Variants in ABL1 observed in about 807,000 individuals in gnomAD.
ABL1 encodes tyrosine-protein kinase ABL1.
Under a neutral mutation model 94.7 loss-of-function variants are expected in ABL1, and 11 were observed. The observed-to-expected ratio is 0.12, with a 90% CI of 0.07 to 0.19. The LOEUF is 0.19. Ranked by LOEUF, ABL1 falls within the 10% of genes least tolerant of loss-of-function variation. The probability of loss-of-function intolerance (pLI) is 1.00; values close to 1 mark genes in which losing one functional copy is unlikely to be tolerated. For missense variants in ABL1, 1,082 were observed against 1,489.4 expected (o/e 0.73, Z 4.50); for synonymous variants, 656 against 622.4 (o/e 1.05, Z -0.80).
intron 1 of ABL1, among the ~76,000 whole-genome samples, chr9:130,821,397 CT>C (rs1459771053): frequency 1.3e-5 from 2 of 152,000 alleles, no homozygotes; most frequent in Non-Finnish European, 2.9e-5. Flanking sequence ...AATATATGAC[CT>C]TTTGTGACTG....
At chr9:130,717,086 A>G (rs1831452625) in intron 1 of ABL1, among the ~76,000 whole-genome samples, 1 of 151,214 alleles carries the variant, frequency 6.6e-6, no homozygotes, top group African/African-American at 2.4e-5. Context: ...TGTGTTGTCT[A>G]GGCTGGAGTG....
intron 1 of ABL1, among the ~76,000 whole-genome samples, chr9:130,778,799 C>T (rs1228604768): frequency 6.6e-6 from 1 of 151,822 alleles, no homozygotes; most frequent in Non-Finnish European, 1.5e-5. Context: ...TGCATGTGCT[C>T]AGTCCACCAT....
chr9:130,756,270 C>T (rs887144306), intron 1 of ABL1, among the ~76,000 whole-genome samples: 3 of 151,828 alleles, frequency 2.0e-5, no homozygotes, highest in East Asian at 3.8e-4. Flanking sequence ...CTTTCTCATT[C>T]GGTTTTCCTG....
At chr9:130,841,673 G>A (rs575327557) in intron 1 of ABL1, among the ~76,000 whole-genome samples, 41 of 151,810 alleles carry the variant, frequency 2.7e-4, no homozygotes, top group Non-Finnish European at 4.1e-4. Flanking sequence ...TTAGCCAGGC[G>A]TAGTGGGGAG....
At chr9:130,745,145 T>C (rs1345662592) in intron 1 of ABL1, among the ~76,000 whole-genome samples, 1 of 148,586 alleles carries the variant, frequency 6.7e-6, no homozygotes, top group East Asian at 2.0e-4. Context: ...AGGGCAATGG[T>C]GTGATCTCGG....
At chr9:130,834,653 ACT>A (rs1367242669), upstream of ABL1, among the ~76,000 whole-genome samples, 3 of 151,964 alleles carry the variant, frequency 2.0e-5, no homozygotes, top group African/African-American at 7.3e-5. Context: ...AAGTCCTCTC[ACT>A]CTGAACTCAC....
upstream of ABL1, chr9:130,834,769 C>T: frequency 7.0e-6 from 3 of 430,096 alleles, no homozygotes; most frequent in South Asian, 3.3e-5. Context: ...GCTCTGACTT[C>T]CTCCCCAGAC....
At chr9:130,832,877 G>A (rs889857085), upstream of ABL1, among the ~76,000 whole-genome samples, 8 of 152,176 alleles carry the variant, frequency 5.3e-5, no homozygotes, top group Admixed American at 1.3e-4. Context: ...AGCTGGATAT[G>A]GAAAGTATAG....
upstream of ABL1, among the ~76,000 whole-genome samples, chr9:130,830,902 A>G (rs1019011669): frequency 6.6e-6 from 1 of 152,216 alleles, no homozygotes; most frequent in African/African-American, 2.4e-5. Flanking sequence ...TTTGTGACAC[A>G]TAACTCGTGA....
At position 130,755,306 on chromosome 9, in the gene ABL1, G is replaced by C. The variant is rs527841647; in HGVS notation, c.136+40851G>C. Among the ~76,000 whole-genome samples, 8 of 152,166 alleles carry C rather than the reference G, an allele frequency of 5.3e-5. No individual in the cohort carries two copies. The East Asian group carries it at 1.3e-3, about 26-fold the overall frequency. On this transcript the variant is annotated intron_variant, in intron 1 of 10. Transcript: ENST00000372348. ...GATGTGGGATTGGTCAGAGGGGAGA[G>C]AGGTAAAAATGATTCCATGACTGTG... is the stretch of plus-strand genomic sequence containing the variant.
chr9:130,736,972 G>T (rs1279238474), intron 1 of ABL1, among the ~76,000 whole-genome samples: 1 of 152,164 alleles, frequency 6.6e-6, no homozygotes, highest in Non-Finnish European at 1.5e-5. Context: ...ACAAGGAACT[G>T]CCCTATTCCA....
At chr9:130,780,127 C>T (rs548972729) in intron 1 of ABL1, among the ~76,000 whole-genome samples, 76 of 152,020 alleles carry the variant, frequency 5.0e-4, no homozygotes, top group African/African-American at 1.8e-3. Flanking sequence ...CTACTAAAAA[C>T]TACAAAAAAA....
At chr9:130,803,018 G>T (rs1484691570) in intron 1 of ABL1, among the ~76,000 whole-genome samples, 3 of 151,938 alleles carry the variant, frequency 2.0e-5, no homozygotes, top group African/African-American at 7.3e-5. Flanking sequence ...TCCCTTCTAG[G>T]ATTACTTCAG....
rs776100162 is a variant in ABL1, at chr9:130,886,784, C to T, written c.*1101C>T. On this transcript the variant is annotated 3_prime_UTR_variant, in exon 11 of 11. Coordinates refer to ENST00000318560, the MANE Select transcript of ABL1 (RefSeq NM_005157.6). ...TTTCAAAGCCCTGCCTCTGTGTAGC[C>T]GCCCTGAGAGAGAATAGAGCTGCCA... 31 of 233,370 alleles carry T rather than the reference C, an allele frequency of 1.3e-4. No individual in the cohort carries two copies. Among genetic ancestry groups the T allele is most frequent in the African/African-American group, 3.7e-4 (17 of 45,338 alleles). The allele number at this position is 233,370 out of a possible 1,614,324, so 14.5% of individuals were successfully genotyped here.
rs184397649 is a variant in ABL1 at position 130,733,664 on chromosome 9, C to T, written c.136+19209C>T. Among the ~76,000 whole-genome samples the T allele has an allele frequency of 4.0e-3, 593 of 149,666 alleles. 5 individuals carry two copies. Among genetic ancestry groups the T allele is most frequent in the African/African-American group, 0.014 (547 of 40,142 alleles). On this transcript the variant is annotated intron_variant, in intron 1 of 10. Coordinates refer to the ABL1 transcript ENST00000372348. ...CGTAATCTCGGCTCACTGTAAGCTC[C>T]GCCACCTGGGTTCACACCATTCTCC...
At position 130,885,032 on chromosome 9, in the gene ABL1, C is replaced by T; in HGVS notation, c.2742C>T (p.Pro914=). The T allele has an allele frequency of 6.2e-7, 1 of 1,611,186 alleles. No homozygotes were observed. The highest frequency in any genetic ancestry group is 8.5e-7 in the Non-Finnish European group (1 of 1,179,218). The part of the protein sequence containing the change: ...AASAGKAGGK[P]SQSPSQEAAG... Reference sequence around the variant, plus strand: ...CTGCAGGGAAGGCTGGAGGAAAGCCCTCGCAGAGCCCGAGCCAGGAGGCGG... The same window carrying T: ...CTGCAGGGAAGGCTGGAGGAAAGCCTTCGCAGAGCCCGAGCCAGGAGGCGG... The change falls in exon 11 of 11, where the codon CCC becomes CCT. Residue 914 remains proline (P), a synonymous_variant. Transcript: ENST00000318560.
chr9:130,719,074 GA>G (rs986144577), intron 1 of ABL1, among the ~76,000 whole-genome samples: 1 of 151,864 alleles, frequency 6.6e-6, no homozygotes, highest in South Asian at 2.1e-4. Context: ...GTATGTCCAG[GA>G]AAAAAAAGTA....
At chr9:130,797,410 T>C (rs1459076683) in intron 1 of ABL1, among the ~76,000 whole-genome samples, 2 of 152,232 alleles carry the variant, frequency 1.3e-5, no homozygotes, top group Non-Finnish European at 2.9e-5. Flanking sequence ...GTACTCGCTC[T>C]ATTGCCCAGG....
intron 1 of ABL1, among the ~76,000 whole-genome samples, chr9:130,790,389 C>T (rs1829890607): frequency 1.3e-5 from 2 of 152,258 alleles, no homozygotes; most frequent in Admixed American, 6.5e-5. Context: ...TGTTCACGCT[C>T]CTCACAAGCA....
Sources: gnomAD v4.1 joint callset for allele counts (sites outside exome capture counted in the v4.1 genomes callset) on GRCh38, gnomAD v4.1.1 for gene constraint, MANE v1.5 for transcripts, NCBI Gene and HGNC (gene_info 2026-07-23, HGNC 2026-07-21) for gene names.